The following MCM9 variants were observed in gnomAD, a reference collection of about 807,000 sequenced individuals.
MCM9 encodes DNA helicase MCM9.
MCM9 carries 55 observed loss-of-function variants against 72.8 expected under a neutral mutation model. That is an observed-to-expected ratio of 0.76 (90% CI 0.61 to 0.95). The LOEUF (loss-of-function observed/expected upper bound fraction) is 0.95, where lower values mean the gene tolerates loss of function less well. MCM9 is among the 40% of genes least tolerant of loss of function. MCM9 has a pLI of 0.00. For missense variants in MCM9, 1,279 were observed against 1,377.0 expected, an observed-to-expected ratio of 0.93 and a Z score of 1.13; for synonymous variants, 480 against 503.4, an observed-to-expected ratio of 0.95 and a Z score of 0.62.
chr6:118,848,854 G>T (rs1776050409), intron 9 of MCM9, among the ~76,000 whole-genome samples: 1 of 152,058 alleles, frequency 6.6e-6, no homozygotes, highest in Non-Finnish European at 1.5e-5. Flanking sequence ...CCTGGGAGGA[G>T]CAGGTTGCAG....
intron 8 of MCM9, among the ~76,000 whole-genome samples, chr6:118,889,616 TAGAAAGA>T (rs1477913372): frequency 6.6e-6 from 1 of 152,186 alleles, no homozygotes; most frequent in Non-Finnish European, 1.5e-5. Context: ...GAAACGAGTT[TAGAAAGA>T]CCTTGATTGA....
At chr6:118,922,904 C>T (rs1329744750) in intron 4 of MCM9, among the ~76,000 whole-genome samples, 2 of 151,844 alleles carry the variant, frequency 1.3e-5, no homozygotes, top group Admixed American at 6.6e-5. Flanking sequence ...AGGTGGCACA[C>T]GCCCGTAATC....
chr6:118,874,395 C>G (rs1464396003), intron 8 of MCM9, among the ~76,000 whole-genome samples: 2 of 152,110 alleles, frequency 1.3e-5, no homozygotes, highest in Non-Finnish European at 2.9e-5. Flanking sequence ...AACAACAACA[C>G]AAAAAACTCT....
chr6:118,882,766 A>G (rs1410637229), intron 8 of MCM9, among the ~76,000 whole-genome samples: 1 of 152,194 alleles, frequency 6.6e-6, no homozygotes, highest in Non-Finnish European at 1.5e-5. Context: ...GCGACTTCAC[A>G]CTGTGAGGAG....
At chr6:118,897,720 T>C (rs1287517890) in intron 8 of MCM9, among the ~76,000 whole-genome samples, 4 of 152,050 alleles carry the variant, frequency 2.6e-5, no homozygotes, top group Non-Finnish European at 5.9e-5. Context: ...AAGTTAACTT[T>C]AAAATAAATG....
chr6:118,819,532 T>C (rs781381416), intron 13 of MCM9, among the ~76,000 whole-genome samples: 12 of 152,320 alleles, frequency 7.9e-5, no homozygotes, highest in Middle Eastern at 6.8e-3. Context: ...CAGTATTTTA[T>C]TGAGGATTTT....
Position 118,816,243 on chromosome 6 carries a change from C to A in MCM9, c.2013G>T (p.Glu671Asp). Residue 671 changes from glutamate (E) to aspartate (D), a missense_variant, in exon 14 of 14, where the codon GAG becomes GAT. Glu to Asp is a conservative substitution (Grantham distance 45). Coordinates refer to ENST00000619706, the MANE Select transcript of MCM9 (RefSeq NM_017696.3). ...CATTTCTCAAGGATCCTGGAGTAGT[C>A]TCTACCTCCAATACCCGTGGTTGGG... ...HQSQPRVLEV[E>D]TTPGSLRNGP... 6.5e-7 allele frequency: 1 copy of A among 1,549,988 alleles called. No homozygotes were observed. The highest frequency in any genetic ancestry group is 1.7e-4 in the Middle Eastern group (1 of 5,980).
intron 8 of MCM9, among the ~76,000 whole-genome samples, chr6:118,859,837 G>A (rs1386560217): frequency 6.6e-6 from 1 of 152,174 alleles, no homozygotes; most frequent in East Asian, 1.9e-4. Context: ...TTATCTACCT[G>A]GAAGAAGGGC....
At chr6:118,817,158 A>T (rs1773459544) in intron 13 of MCM9, among the ~76,000 whole-genome samples, 1 of 152,094 alleles carries the variant, frequency 6.6e-6, no homozygotes, top group Non-Finnish European at 1.5e-5. Flanking sequence ...TCTGGGATAC[A>T]TTTGCAGAAC....
intron 7 of MCM9, chr6:118,912,675 T>G (rs2114260034): frequency 6.5e-6 from 1 of 152,688 alleles, no homozygotes; most frequent in Non-Finnish European, 1.5e-5. Context: ...TTTGGTTTAA[T>G]TTTTGGTTAT....
intron 8 of MCM9, chr6:118,911,024 C>T (rs1780508038): frequency 3.0e-6 from 3 of 984,564 alleles, no homozygotes; most frequent in East Asian, 1.1e-4. Context: ...TGTAAAAATA[C>T]AAAATAGCAT....
chr6:118,917,898 A>C, intron 5 of MCM9, 137 bp from the exon 6 acceptor site: 1 of 691,258 alleles, frequency 1.4e-6, no homozygotes. Flanking sequence ...TCCAGAAAAC[A>C]ATTCAGGGGC....
At chr6:118,887,012 A>G (rs145302556) in intron 8 of MCM9, among the ~76,000 whole-genome samples, 1 of 152,190 alleles carries the variant, frequency 6.6e-6, no homozygotes, top group African/African-American at 2.4e-5. Flanking sequence ...AAGAAATTAA[A>G]GGCGAACTCA....
intron 5 of MCM9, chr6:118,920,211 G>A (rs561147519): frequency 1.3e-5 from 2 of 152,300 alleles, no homozygotes; most frequent in South Asian, 4.1e-4. Context: ...AGTCCTATAT[G>A]AGCAAGGTAT....
At chr6:118,873,226 AAGGGG>A (rs1777728215) in intron 8 of MCM9, among the ~76,000 whole-genome samples, 1 of 81,260 alleles carries the variant, frequency 1.2e-5, no homozygotes. Flanking sequence ...AGGGAAAGGG[AAGGGG>A]AAAGGGAAAG....
chr6:118,868,261 CAA>C (rs1338355555), intron 8 of MCM9, among the ~76,000 whole-genome samples: 1 of 151,992 alleles, frequency 6.6e-6, no homozygotes, highest in Admixed American at 6.6e-5. Flanking sequence ...TATAAAAAGA[CAA>C]AGTATGACAT....
intron 9 of MCM9, among the ~76,000 whole-genome samples, chr6:118,855,742 T>C (rs752960215): frequency 2.6e-5 from 4 of 152,148 alleles, no homozygotes; most frequent in Non-Finnish European, 5.9e-5. Flanking sequence ...CCTGGCAGCC[T>C]GTTTGGTGGC....
intron 8 of MCM9, among the ~76,000 whole-genome samples, chr6:118,900,328 A>G (rs1247886342): frequency 1.3e-5 from 2 of 152,196 alleles, no homozygotes; most frequent in Admixed American, 1.3e-4. Context: ...CTGCCCTTCC[A>G]AAGTGTGTTG....
intron 8 of MCM9, chr6:118,901,184 T>C (rs1779778241): frequency 4.5e-6 from 1 of 222,754 alleles, no homozygotes; most frequent in Non-Finnish European, 8.8e-6. Flanking sequence ...TTCCTGTGAA[T>C]AGCACCTCAG....
Sources: allele counts gnomAD v4.1 joint callset (sites outside exome capture counted in the v4.1 genomes callset), GRCh38; gene constraint gnomAD v4.1.1; transcripts MANE v1.5; gene names NCBI Gene and HGNC (gene_info 2026-07-23, HGNC 2026-07-21).